Variants in SLC24A2 observed in about 807,000 individuals in gnomAD.
The protein encoded by SLC24A2 is sodium/potassium/calcium exchanger 2.
Under a neutral mutation model 62.0 loss-of-function variants are expected in SLC24A2, and 36 were observed. That is an observed-to-expected ratio of 0.58 (90% CI 0.44 to 0.77). The LOEUF (loss-of-function observed/expected upper bound fraction) is 0.77. Among genes scored for constraint, SLC24A2 ranks in the 30% least tolerant of loss-of-function variants. The probability of loss-of-function intolerance (pLI) is 0.00; values close to 1 mark genes in which losing one functional copy is unlikely to be tolerated. For synonymous variants in SLC24A2, 358 were observed against 294.0 expected (o/e 1.22, Z -2.23); for missense variants, 846 against 817.9 (o/e 1.03, Z -0.42).
intron 2 of SLC24A2, among the ~76,000 whole-genome samples, chr9:19,768,170 G>A (rs1221038326): frequency 2.0e-5 from 3 of 152,192 alleles, no homozygotes. Context: ...TGGGAATTAA[G>A]TTTCAACATG....
intron 2 of SLC24A2, among the ~76,000 whole-genome samples, chr9:19,734,533 C>T (rs981618588): frequency 6.6e-6 from 1 of 152,070 alleles, no homozygotes; most frequent in African/African-American, 2.4e-5. Context: ...GAATGTTCTT[C>T]CCTTTGTTTG....
chr9:19,901,120 G>C, the SLC24A2 span, among the ~76,000 whole-genome samples: 11 of 152,146 alleles, frequency 7.2e-5, no homozygotes, highest in African/African-American at 2.4e-4. Context: ...TTGATCACCT[G>C]TCATGTGCCA....
chr9:19,680,621 TTC>T, intron 2 of SLC24A2, among the ~76,000 whole-genome samples: 1 of 151,048 alleles, frequency 6.6e-6, no homozygotes, highest in Non-Finnish European at 1.5e-5. Context: ...TATATATATA[TTC>T]ATAGCTAACT....
At chr9:19,761,750 C>T (rs547168272) in intron 2 of SLC24A2, among the ~76,000 whole-genome samples, 24 of 151,938 alleles carry the variant, frequency 1.6e-4, no homozygotes, top group East Asian at 9.7e-4. Context: ...TTTGTCCTTG[C>T]GATAGTTTGC....
chr9:20,241,814 C>G, the SLC24A2 span, among the ~76,000 whole-genome samples: 18 of 152,126 alleles, frequency 1.2e-4, no homozygotes, highest in African/African-American at 4.1e-4. Flanking sequence ...GTTAGCCAAG[C>G]TGAAGGAGCA....
intron 2 of SLC24A2, among the ~76,000 whole-genome samples, chr9:19,729,938 T>A (rs1373562702): frequency 1.3e-5 from 2 of 152,164 alleles, no homozygotes; most frequent in African/African-American, 4.8e-5. Flanking sequence ...CTGATCTGAT[T>A]ACTATACATT....
the SLC24A2 span, among the ~76,000 whole-genome samples, chr9:20,044,433 G>T: frequency 1.3e-5 from 2 of 152,022 alleles, no homozygotes; most frequent in Non-Finnish European, 2.9e-5. Context: ...CACCATGAAC[G>T]CATGGGGAGG....
chr9:19,837,854 C>A, the SLC24A2 span, among the ~76,000 whole-genome samples: 4 of 151,972 alleles, frequency 2.6e-5, no homozygotes, highest in Admixed American at 6.6e-5. Context: ...AGGAATCCAA[C>A]TTACAAGGGA....
chr9:19,671,698 A>C (rs1042116505), intron 2 of SLC24A2, among the ~76,000 whole-genome samples: 2 of 152,206 alleles, frequency 1.3e-5, no homozygotes, highest in African/African-American at 4.8e-5. Context: ...GGTTTGTCAT[A>C]GATGGCTTTT....
At chr9:20,074,614 T>G in the SLC24A2 span, among the ~76,000 whole-genome samples, 18,194 of 43,202 alleles carry the variant, frequency 0.42, 2,440 homozygotes, top group East Asian at 0.72. Flanking sequence ...AAGAAGGGAG[T>G]GAGGGAGGGA....
At chr9:20,151,878 T>A in the SLC24A2 span, among the ~76,000 whole-genome samples, 1 of 151,834 alleles carries the variant, frequency 6.6e-6, no homozygotes, top group Middle Eastern at 3.2e-3. Flanking sequence ...TTGTTTTAAA[T>A]GCCCCAATCA....
chr9:19,607,311 G>GTTC (rs990337719), intron 4 of SLC24A2, among the ~76,000 whole-genome samples: 1 of 152,210 alleles, frequency 6.6e-6, no homozygotes, highest in Non-Finnish European at 1.5e-5. Flanking sequence ...TTCTGAAGGA[G>GTTC]TTCCCTTTTG....
At chr9:19,719,119 C>A (rs1820949899) in intron 2 of SLC24A2, among the ~76,000 whole-genome samples, 4 of 152,150 alleles carry the variant, frequency 2.6e-5, no homozygotes, top group Admixed American at 6.5e-5. Context: ...TGGGTATAAA[C>A]TGCTAAGACT....
At chr9:20,306,089 G>T in the SLC24A2 span, among the ~76,000 whole-genome samples, 3 of 152,076 alleles carry the variant, frequency 2.0e-5, no homozygotes, top group Non-Finnish European at 4.4e-5. Context: ...TTATTCTGAG[G>T]TACTAGGGGT....
the SLC24A2 span, among the ~76,000 whole-genome samples, chr9:20,045,709 G>A: frequency 6.6e-6 from 1 of 152,096 alleles, no homozygotes; most frequent in African/African-American, 2.4e-5. Context: ...GGAATTACAG[G>A]GGTGAGCCAC....
At chr9:19,548,122 A>C (rs1834672652) in intron 8 of SLC24A2, among the ~76,000 whole-genome samples, 1 of 151,714 alleles carries the variant, frequency 6.6e-6, no homozygotes, top group South Asian at 2.1e-4. Flanking sequence ...ATGGCTCTCC[A>C]CTAGGCTGCA....
At chr9:19,562,699 T>TA (rs565581633) in intron 7 of SLC24A2, among the ~76,000 whole-genome samples, 95 of 152,306 alleles carry the variant, frequency 6.2e-4, no homozygotes, top group Non-Finnish European at 1.0e-3. Context: ...GCCTGGTCAG[T>TA]AAAAAAATCC....
chr9:19,759,025 T>C (rs1013488825), intron 2 of SLC24A2, among the ~76,000 whole-genome samples: 9 of 152,152 alleles, frequency 5.9e-5, no homozygotes, highest in African/African-American at 2.2e-4. Flanking sequence ...ATGCAGCCTA[T>C]TGATTTATGT....
chr9:19,560,028 C>CTG (rs138797370), intron 7 of SLC24A2, among the ~76,000 whole-genome samples: 12 of 152,148 alleles, frequency 7.9e-5, no homozygotes, highest in Admixed American at 2.0e-4. Context: ...GACCCTGAAA[C>CTG]TGTAGTTTAG....
Sources: gnomAD v4.1 joint callset for allele counts (sites outside exome capture counted in the v4.1 genomes callset) on GRCh38, gnomAD v4.1.1 for gene constraint, MANE v1.5 for transcripts, NCBI Gene and HGNC (gene_info 2026-07-23, HGNC 2026-07-21) for gene names.